Variants in NOL8 observed in about 807,000 individuals in gnomAD.
The protein encoded by NOL8 is nucleolar protein 8, also known as nucleolar protein Nop132.
NOL8 carries 93 observed loss-of-function variants against 116.1 expected under a neutral mutation model. That is an observed-to-expected ratio of 0.80 (90% CI 0.68 to 0.95). The LOEUF is 0.95. Ranked by LOEUF, NOL8 falls within the 40% of genes least tolerant of loss-of-function variation. The pLI, the probability that NOL8 is intolerant of heterozygous loss-of-function variation, is 0.00. For synonymous variants in NOL8, 419 were observed against 469.0 expected, an observed-to-expected ratio of 0.89 and a Z score of 1.38; for missense variants, 1,291 against 1,382.8, an observed-to-expected ratio of 0.93 and a Z score of 1.05.
intron 14 of NOL8, 133 bp downstream of exon 14, chr9:92,299,757 A>T (rs1012085302): frequency 2.0e-5 from 20 of 1,020,548 alleles, no homozygotes; most frequent in Admixed American, 1.2e-4. Flanking sequence ...GTCTCAAAAA[A>T]AAAAAATAAA....
Position 92,323,513 on chromosome 9 carries a change from A to T in NOL8, c.140-10T>A, listed in dbSNP as rs1387742049. The T allele has an allele frequency of 6.3e-7, 1 of 1,583,510 alleles. No homozygotes were observed. On this transcript the variant is annotated splice_polypyrimidine_tract_variant and intron_variant, in intron 2 of 16. Coordinates refer to ENST00000442668, the MANE Select transcript of NOL8 (RefSeq NM_017948.6). The stretch of plus-strand genomic sequence containing the variant: ...ACTTTCTGTGGGTTTCCTAAAAAAC[A>T]AACAAACAAACAAACAAAACAATTT...
chr9:92,323,512 C>A lies in NOL8; in HGVS notation c.140-9G>T, dbSNP rs2130747571. ...AACTTTCTGTGGGTTTCCTAAAAAA[C>A]AAACAAACAAACAAACAAAACAATT... On this transcript the variant is annotated splice_polypyrimidine_tract_variant and intron_variant, in intron 2 of 16. Coordinates refer to ENST00000442668, the MANE Select transcript of NOL8 (RefSeq NM_017948.6). The A allele has an allele frequency of 6.4e-7, 1 of 1,561,088 alleles. No homozygotes were observed.
rs147948969 is a variant in NOL8, at chr9:92,318,131, A to G, written c.486+487T>C. ...ATACCAGGTCTTCAAGGTCTTAGAC[A>G]ATGTGACCTCACTGAATAGGCATTA... On this transcript the variant is annotated intron_variant, in intron 6 of 16. Coordinates refer to ENST00000442668, the MANE Select transcript of NOL8 (RefSeq NM_017948.6). Among the ~76,000 whole-genome samples the G allele has an allele frequency of 1.2e-3, 186 of 152,054 alleles. 1 individual carries two copies. The highest frequency in any genetic ancestry group is 2.3e-3 in the Non-Finnish European group (157 of 67,996).
Position 92,305,753 on chromosome 9 carries a change from C to A in NOL8, c.2903G>T (p.Ser968Ile). The change falls in exon 12 of 17, where the codon AGT becomes ATT. Residue 968 changes from serine to isoleucine, a missense_variant and splice_region_variant. Ser to Ile is a moderately radical substitution (Grantham distance 142). Coordinates refer to ENST00000442668, the MANE Select transcript of NOL8 (RefSeq NM_017948.6). ...TGCTAAAAGAAGTAGCTCTACTTAC[C>A]TTTCTTTTGGCTTATCATCTCTTTT... is the stretch of plus-strand genomic sequence containing the variant. ...ERKRDDKPKESKAKRKKKREE... is the reference protein window; with the variant it reads ...ERKRDDKPKEIKAKRKKKREE... 1 of 1,597,802 alleles carries A rather than the reference C, an allele frequency of 6.3e-7. No homozygotes were observed. Among genetic ancestry groups the A allele is most frequent in the Non-Finnish European group, 8.6e-7 (1 of 1,165,814 alleles).
At chr9:92,298,468 C>CA in intron 15 of NOL8, 132 bp from the exon 16 acceptor site, 1 of 570,082 alleles carries the variant, frequency 1.8e-6, no homozygotes. Flanking sequence ...TACCTATTTT[C>CA]AAAAATTAGT....
At chr9:92,299,279 A>T (rs1416852169) in intron 14 of NOL8, among the ~76,000 whole-genome samples, 1 of 152,168 alleles carries the variant, frequency 6.6e-6, no homozygotes, top group African/African-American at 2.4e-5. Context: ...CCCATTTGCC[A>T]GTGCCTCCCA....
At position 92,324,166 on chromosome 9, in the gene NOL8, G is replaced by C. The variant is rs1840221666; in HGVS notation, c.-5C>G. On this transcript the variant is annotated 5_prime_UTR_variant, in exon 2 of 17. Transcript: ENST00000442668. The stretch of plus-strand genomic sequence containing the variant: ...CGTTTCTCTGTTCACTTTCATGAAG[G>C]CTGGGCATATACTTGGGTGTGTTTC... 1 of 1,612,958 alleles carries C rather than the reference G, an allele frequency of 6.2e-7. No individual in the cohort carries two copies. The highest frequency in any genetic ancestry group is 1.7e-4 in the Middle Eastern group (1 of 6,054).
chr9:92,324,440 G>GT (rs1203851985), intron 1 of NOL8: 6 of 296,264 alleles, frequency 2.0e-5, no homozygotes, highest in Admixed American at 4.8e-5. Context: ...TACAGACAGA[G>GT]TTTTTTTCCT....
intron 5 of NOL8, 148 bp downstream of exon 5, chr9:92,319,073 T>C (rs1839683832): frequency 1.2e-6 from 1 of 803,238 alleles, no homozygotes; most frequent in Non-Finnish European, 1.8e-6. Context: ...TAAATGCACC[T>C]TGAAAATCAT....
At chr9:92,316,928 T>G (rs538828394) in intron 6 of NOL8, among the ~76,000 whole-genome samples, 1 of 152,346 alleles carries the variant, frequency 6.6e-6, no homozygotes, top group African/African-American at 2.4e-5. Flanking sequence ...AGCATATGAA[T>G]AGGCAAGTAT....
At chr9:92,323,399 T>C (rs757985712) in intron 3 of NOL8, 42 bp downstream of exon 3, 6 of 1,561,248 alleles carry the variant, frequency 3.8e-6, no homozygotes, top group South Asian at 1.2e-5. Flanking sequence ...TACAGAGTCA[T>C]ACAAACTGGC....
chr9:92,300,186 T>G (rs1837616130), intron 13 of NOL8, 170 bp from the exon 14 acceptor site: 9 of 1,266,390 alleles, frequency 7.1e-6, no homozygotes, highest in Admixed American at 3.6e-5. Flanking sequence ...TTTTTAGATT[T>G]TTCAAATATT....
intron 12 of NOL8, among the ~76,000 whole-genome samples, chr9:92,304,347 C>T (rs879497315): frequency 6.6e-6 from 1 of 152,194 alleles, no homozygotes; most frequent in Non-Finnish European, 1.5e-5. Context: ...GCCTGTTCCA[C>T]CGCTCTATAT....
At chr9:92,309,551 G>T (rs1019321301) in intron 10 of NOL8, among the ~76,000 whole-genome samples, 18 of 152,116 alleles carry the variant, frequency 1.2e-4, no homozygotes, top group African/African-American at 4.3e-4. Context: ...GGGAATTAGG[G>T]AGCTCATTCA....
intron 2 of NOL8, 148 bp from the exon 3 acceptor site, chr9:92,323,651 T>C: frequency 3.2e-6 from 2 of 620,976 alleles, no homozygotes; most frequent in Non-Finnish European, 2.6e-6. Context: ...TTATTGGCTA[T>C]AAAAATAAGC....
chr9:92,320,394 G>A (rs1839821019), intron 4 of NOL8: 2 of 324,142 alleles, frequency 6.2e-6, no homozygotes, highest in South Asian at 2.5e-5. Context: ...TGGAATGAAA[G>A]GTATATAACC....
At chr9:92,314,212 G>A (rs1839131106) in intron 7 of NOL8, 55 bp downstream of exon 7, 1 of 1,497,826 alleles carries the variant, frequency 6.7e-7, no homozygotes, top group Non-Finnish European at 8.9e-7. Context: ...TCATGGGAAA[G>A]AAAAGCTGAA....
At chr9:92,305,893 G>A (rs1838208276) in intron 11 of NOL8, 63 bp from the exon 12 acceptor site, 1 of 1,112,030 alleles carries the variant, frequency 9.0e-7, no homozygotes, top group Non-Finnish European at 1.4e-6. Flanking sequence ...CAAAAAGTAA[G>A]TAGCAAATTA....
At chr9:92,316,495 C>T (rs1351689199) in intron 6 of NOL8, among the ~76,000 whole-genome samples, 1 of 152,190 alleles carries the variant, frequency 6.6e-6, no homozygotes, top group Admixed American at 6.5e-5. Flanking sequence ...AAGCAAAGTT[C>T]TGGGTTCAGG....
Sources: gnomAD v4.1 joint callset for allele counts (sites outside exome capture counted in the v4.1 genomes callset) on GRCh38, gnomAD v4.1.1 for gene constraint, MANE v1.5 for transcripts, NCBI Gene and HGNC (gene_info 2026-07-23, HGNC 2026-07-21) for gene names.